The following PPFIBP2 variants were observed in gnomAD, a reference collection of about 807,000 sequenced individuals.
PPFIBP2 encodes the protein PPFIB scaffold protein 2.
In PPFIBP2, 118 loss-of-function variants were observed where a neutral mutation model predicts 118.3. The observed-to-expected ratio is 1.00, with a 90% CI of 0.86 to 1.16. PPFIBP2 has a LOEUF of 1.16. Among genes scored for constraint, PPFIBP2 ranks in the 50% most tolerant of loss-of-function variants. PPFIBP2 has a pLI of 0.00. For missense variants in PPFIBP2, 1,195 were observed against 1,073.1 expected (o/e 1.11, Z -1.59); for synonymous variants, 414 against 397.4 (o/e 1.04, Z -0.50).
At chr11:7,554,628 G>A (rs145977959) in intron 2 of PPFIBP2, among the ~76,000 whole-genome samples, 5 of 152,036 alleles carry the variant, frequency 3.3e-5, no homozygotes, top group Admixed American at 6.5e-5. Context: ...CCAGAGCCAC[G>A]GTGCGATGGC....
At chr11:7,663,884 G>A in the PPFIBP2 span, among the ~76,000 whole-genome samples, 1 of 152,218 alleles carries the variant, frequency 6.6e-6, no homozygotes. Flanking sequence ...GAAAAGCGCA[G>A]TATTCTGGTG....
At chr11:7,531,808 C>T (rs925268058) in intron 1 of PPFIBP2, among the ~76,000 whole-genome samples, 3 of 151,966 alleles carry the variant, frequency 2.0e-5, no homozygotes, top group Non-Finnish European at 4.4e-5. Context: ...TTTGGGGCCT[C>T]TCCTTGACTT....
chr11:7,664,238 C>T, the PPFIBP2 span, among the ~76,000 whole-genome samples: 1 of 152,262 alleles, frequency 6.6e-6, no homozygotes, highest in East Asian at 1.9e-4. Flanking sequence ...GAAGAGATGA[C>T]ACTTGAATTT....
chr11:7,571,385 A>T (rs1306802140), intron 3 of PPFIBP2, among the ~76,000 whole-genome samples: 1 of 151,642 alleles, frequency 6.6e-6, no homozygotes, highest in Non-Finnish European at 1.5e-5. Flanking sequence ...CCAAGAAGCA[A>T]ATCTGTTTAC....
chr11:7,652,654 T>G (rs546228483), intron 23 of PPFIBP2, among the ~76,000 whole-genome samples: 1 of 152,174 alleles, frequency 6.6e-6, no homozygotes, highest in Non-Finnish European at 1.5e-5. Flanking sequence ...TGGGAAAGGG[T>G]TGGGGTGCCA....
chr11:7,611,888 G>C (rs1848114770), intron 6 of PPFIBP2, among the ~76,000 whole-genome samples: 1 of 152,240 alleles, frequency 6.6e-6, no homozygotes, highest in African/African-American at 2.4e-5. Context: ...TGAAGTGCTA[G>C]TTGAATTAAA....
the PPFIBP2 span, among the ~76,000 whole-genome samples, chr11:7,664,599 T>C: frequency 6.6e-6 from 1 of 152,090 alleles, no homozygotes; most frequent in Non-Finnish European, 1.5e-5. Flanking sequence ...TGAGAACCAG[T>C]AGGTGAGAGA....
At chr11:7,516,568 C>T (rs1046432832) in intron 1 of PPFIBP2, among the ~76,000 whole-genome samples, 46 of 152,038 alleles carry the variant, frequency 3.0e-4, no homozygotes, top group Admixed American at 1.6e-3. Flanking sequence ...TGTGGGGCAA[C>T]GTGCTGTTTT....
chr11:7,635,635 T>C, intron 14 of PPFIBP2, 42 bp downstream of exon 14: 2 of 1,552,862 alleles, frequency 1.3e-6, no homozygotes, highest in South Asian at 2.2e-5. Flanking sequence ...GTGGTTACAC[T>C]GTTTGCTAGT....
At chr11:7,624,364 T>C (rs904925356) in intron 7 of PPFIBP2, among the ~76,000 whole-genome samples, 1 of 152,200 alleles carries the variant, frequency 6.6e-6, no homozygotes, top group African/African-American at 2.4e-5. Flanking sequence ...GAGGATTTGA[T>C]GTAAGAAAGC....
intron 6 of PPFIBP2, among the ~76,000 whole-genome samples, chr11:7,619,249 C>A (rs1849056720): frequency 6.6e-6 from 1 of 152,092 alleles, no homozygotes; most frequent in South Asian, 2.1e-4. Flanking sequence ...GAGAATATAG[C>A]AGAGGGGCCT....
At chr11:7,533,404 C>T (rs1200105411) in intron 1 of PPFIBP2, among the ~76,000 whole-genome samples, 1 of 152,206 alleles carries the variant, frequency 6.6e-6, no homozygotes, top group Non-Finnish European at 1.5e-5. Context: ...TGTCAACAAA[C>T]ATTTACTGAA....
chr11:7,553,870 A>G (rs1338578620), intron 2 of PPFIBP2, among the ~76,000 whole-genome samples: 2 of 152,100 alleles, frequency 1.3e-5, no homozygotes, highest in Middle Eastern at 3.2e-3. Context: ...ATGTTGATGC[A>G]TGGGGCTGTC....
intron 12 of PPFIBP2, 125 bp from the exon 13 acceptor site, chr11:7,634,370 A>ATT: frequency 1.4e-6 from 1 of 706,410 alleles, no homozygotes; most frequent in Non-Finnish European, 2.4e-6. Context: ...ATGAGAGGGT[A>ATT]TTTTTTTTTC....
intron 12 of PPFIBP2, 31 bp downstream of exon 12, chr11:7,632,965 C>T: frequency 6.3e-7 from 1 of 1,597,546 alleles, no homozygotes; most frequent in Non-Finnish European, 8.6e-7. Flanking sequence ...CCCACAGCCA[C>T]TGTGCTCTCA....
At chr11:7,522,918 C>A (rs1000438344) in intron 1 of PPFIBP2, among the ~76,000 whole-genome samples, 9 of 152,162 alleles carry the variant, frequency 5.9e-5, no homozygotes, top group African/African-American at 2.2e-4. Context: ...AAGTTGTATT[C>A]CAAGGCCCAA....
At chr11:7,561,046 T>C (rs1042201763) in intron 2 of PPFIBP2, among the ~76,000 whole-genome samples, 7 of 151,598 alleles carry the variant, frequency 4.6e-5, no homozygotes, top group African/African-American at 1.7e-4. Flanking sequence ...TACTGAGCTT[T>C]TGTTGTAATT....
intron 1 of PPFIBP2, among the ~76,000 whole-genome samples, chr11:7,517,009 AACTT>A (rs1164501688): frequency 2.0e-5 from 3 of 152,106 alleles, no homozygotes; most frequent in Non-Finnish European, 2.9e-5. Flanking sequence ...GAAAAAGAAA[AACTT>A]AATTTTTAGG....
chr11:7,661,359 G>A (rs931530664), downstream of PPFIBP2, among the ~76,000 whole-genome samples: 9 of 151,210 alleles, frequency 6.0e-5, no homozygotes, highest in South Asian at 4.2e-4. Flanking sequence ...CTCTGTTCTC[G>A]TTGGTTTCAA....
Sources: gnomAD v4.1 joint callset for allele counts (sites outside exome capture counted in the v4.1 genomes callset) on GRCh38, gnomAD v4.1.1 for gene constraint, MANE v1.5 for transcripts, NCBI Gene and HGNC (gene_info 2026-07-23, HGNC 2026-07-21) for gene names.